The following GABRA5 variants were observed in gnomAD, a reference collection of about 807,000 sequenced individuals.
GABRA5 encodes gamma-aminobutyric acid type A receptor subunit alpha5.
GABRA5 carries 18 observed loss-of-function variants against 47.3 expected under a neutral mutation model. That is an observed-to-expected ratio of 0.38 (90% CI 0.26 to 0.56). The LOEUF is 0.56. GABRA5 is among the 20% of genes least tolerant of loss of function. GABRA5 has a pLI of 0.71. For synonymous variants in GABRA5, 237 were observed against 229.3 expected, an observed-to-expected ratio of 1.03 and a Z score of -0.30; for missense variants, 365 against 599.3, an observed-to-expected ratio of 0.61 and a Z score of 4.08.
In GABRA5 at chr15:26,945,041, T is replaced by G. The variant is rs143572987; in HGVS notation, c.1089+1615T>G. ...TAGATCTGAATTCTGAATGGAGGGT[T>G]GGAGGGAGGAGAGAGGATGAAAGTG... is the stretch of plus-strand genomic sequence containing the variant. On this transcript the variant is annotated intron_variant, in intron 10 of 10. Coordinates refer to ENST00000335625, the MANE Select transcript of GABRA5 (RefSeq NM_000810.4). Among the ~76,000 whole-genome samples the G allele has an allele frequency of 2.5e-3, 380 of 152,282 alleles. 2 individuals are homozygous for G. Among genetic ancestry groups the G allele is most frequent in the Non-Finnish European group, 3.1e-3 (212 of 68,006 alleles).
intron 4 of GABRA5, among the ~76,000 whole-genome samples, chr15:26,882,565 A>G (rs1481778084): frequency 6.6e-6 from 1 of 152,058 alleles, no homozygotes; most frequent in Non-Finnish European, 1.5e-5. Flanking sequence ...CACTTTACCT[A>G]TTTCCAATAA....
Position 26,883,504 on chromosome 15 carries a change from G to A in GABRA5, c.444G>A (p.Thr148=). 1 of 1,585,112 alleles carries A rather than the reference G, an allele frequency of 6.3e-7. No individual in the cohort carries two copies. Among genetic ancestry groups the A allele is most frequent in the East Asian group, 2.4e-5 (1 of 41,694 alleles). Reference sequence around the variant, plus strand: ...AGTCCATCGCTCACAACATGACCACGCCCAACAAGCTGCTGCGGCTGGAGG... The same window carrying A: ...AGTCCATCGCTCACAACATGACCACACCCAACAAGCTGCTGCGGCTGGAGG... ...GKKSIAHNMT[T]PNKLLRLEDD... Residue 148 remains threonine (T), a synonymous_variant, in exon 6 of 11, where the codon ACG becomes ACA. Coordinates refer to ENST00000335625, the MANE Select transcript of GABRA5 (RefSeq NM_000810.4). The surrounding 1 kb of genome is among the most constrained non-coding windows in gnomAD (Gnocchi z 4.8).
At position 26,928,536 on chromosome 15, in the gene GABRA5, C is replaced by T. The variant is rs139377082; in HGVS notation, c.581-8649C>T. Reference sequence around the variant, plus strand: ...AGTGTATTAAGAAGTGGGGCCCTTACGAGGTGATTAGGACGTGAGGGTGGG... The same window carrying T: ...AGTGTATTAAGAAGTGGGGCCCTTATGAGGTGATTAGGACGTGAGGGTGGG... On this transcript the variant is annotated intron_variant, in intron 7 of 10. Coordinates refer to ENST00000335625, the MANE Select transcript of GABRA5 (RefSeq NM_000810.4). Among the ~76,000 whole-genome samples, 1,406 of 152,154 alleles carry T rather than the reference C, an allele frequency of 9.2e-3. 95 individuals carry two copies. The East Asian group carries it at 0.17, about 18-fold the overall frequency.
At chr15:26,900,427 G>A (rs140534662) in intron 6 of GABRA5, among the ~76,000 whole-genome samples, 1,521 of 152,070 alleles carry the variant, frequency 0.01, 34 homozygotes, top group African/African-American at 0.035. Flanking sequence ...ATATGGTTTT[G>A]AGTTATCCTC....
At chr15:26,889,563 A>C (rs182139028) in intron 6 of GABRA5, among the ~76,000 whole-genome samples, 1 of 152,322 alleles carries the variant, frequency 6.6e-6, no homozygotes, top group Admixed American at 6.5e-5. Context: ...ATTAATAGGT[A>C]ACTTGGATAC....
chr15:26,948,073 A>G lies in GABRA5; in HGVS notation c.1229A>G (p.Glu410Gly). 6.2e-7 allele frequency: 1 copy of G among 1,610,994 alleles called. No individual in the cohort carries two copies. Among genetic ancestry groups the G allele is most frequent in the African/African-American group, 1.3e-5 (1 of 75,024 alleles). Reference protein sequence around the residue: ...TTSVSVKPSEEKTSESKKTYN... With the variant: ...TTSVSVKPSEGKTSESKKTYN... ...TCAGTCTCAGTAAAACCCTCTGAAG[A>G]GAAGACTTCTGAAAGCAAAAAGACT... Residue 410 changes from glutamate to glycine, a missense_variant, in exon 11 of 11, where the codon GAG becomes GGG. Coordinates refer to ENST00000335625, the MANE Select transcript of GABRA5 (RefSeq NM_000810.4).
rs1555392975 is a variant in GABRA5 at position 26,930,016 on chromosome 15, T to TTGTTTTTTG, written c.581-7168_581-7167insGTTTTTTGT. The stretch of plus-strand genomic sequence containing the variant: ...CTTCTTCTTCTTCTTCTTTTTTTTT[T>TTGTTTTTTG]TTTTTTGTTTTTTGTTTTTTGAGAT... On this transcript the variant is annotated intron_variant, in intron 7 of 10. Coordinates refer to ENST00000335625, the MANE Select transcript of GABRA5 (RefSeq NM_000810.4). Among the ~76,000 whole-genome samples the TTGTTTTTTG allele has an allele frequency of 9.9e-4, 127 of 128,472 alleles. 1 individual carries two copies. The highest frequency in any genetic ancestry group is 3.3e-3 in the African/African-American group (114 of 34,526). The allele number at this position is 128,472 out of a possible 152,430, so 84.3% of individuals were successfully genotyped here.
chr15:26,881,511 A>C (rs928669847), intron 4 of GABRA5, among the ~76,000 whole-genome samples: 1 of 152,156 alleles, frequency 6.6e-6, no homozygotes, highest in Non-Finnish European at 1.5e-5. Flanking sequence ...GAACTGATGT[A>C]GATTGTTCTT....
chr15:26,893,101 CAT>C (rs1261080988), intron 6 of GABRA5, among the ~76,000 whole-genome samples: 1 of 135,510 alleles, frequency 7.4e-6, no homozygotes, highest in Non-Finnish European at 1.6e-5. Flanking sequence ...TGGTGTGTGG[CAT>C]GTGTGTGTCT....
rs571113310 is a variant in GABRA5, at chr15:26,916,835, A to G, written c.580+1950A>G. On this transcript the variant is annotated intron_variant, in intron 7 of 10. Transcript: ENST00000335625. ...GTATTTTGTTCTTTTTGATGCTATA[A>G]TAAGTGGGATTGTTTTTCTAATTTC... Among the ~76,000 whole-genome samples the G allele has an allele frequency of 9.9e-5, 15 of 152,168 alleles. No individual in the cohort carries two copies. In the South Asian group the frequency reaches 3.1e-3, roughly 32 times the overall value.
chr15:26,937,818 A>C (rs977991570), intron 8 of GABRA5, among the ~76,000 whole-genome samples: 2 of 152,196 alleles, frequency 1.3e-5, no homozygotes, highest in Non-Finnish European at 1.5e-5. Context: ...ATATAGCCCC[A>C]TCCCAGCCTG....
At chr15:26,873,846 C>T (rs1321588494) in intron 3 of GABRA5, among the ~76,000 whole-genome samples, 3 of 152,144 alleles carry the variant, frequency 2.0e-5, no homozygotes, top group Non-Finnish European at 2.9e-5. Flanking sequence ...AAGGCTTCAG[C>T]GACCCTGGGA....
In GABRA5 at chr15:26,935,268, G is replaced by T. The variant is rs79221207; in HGVS notation, c.581-1917G>T. On this transcript the variant is annotated intron_variant, in intron 7 of 10. Coordinates refer to ENST00000335625, the MANE Select transcript of GABRA5 (RefSeq NM_000810.4). Reference sequence around the variant, plus strand: ...CTATTAACATCGTCAATATCAAGAGGTCATTTAATATTCACTAGTAGTTTG... The same window carrying T: ...CTATTAACATCGTCAATATCAAGAGTTCATTTAATATTCACTAGTAGTTTG... 0.01 allele frequency among the ~76,000 whole-genome samples: 1,546 copies of T among 152,292 alleles called. 109 individuals are homozygous for T. The East Asian group carries it at 0.18, about 18-fold the overall frequency.
intron 6 of GABRA5, among the ~76,000 whole-genome samples, chr15:26,914,314 C>T (rs1397554788): frequency 6.6e-6 from 1 of 152,130 alleles, no homozygotes; most frequent in African/African-American, 2.4e-5. Context: ...AAATGTACCA[C>T]GTGAAGTTAT....
chr15:26,904,347 G>C lies in GABRA5; in HGVS notation c.498-10456G>C, dbSNP rs537169575. The stretch of plus-strand genomic sequence containing the variant: ...GCAGCTATTTTTGTACCAGTACCAT[G>C]CTGTTTTGGTTACTGTACATCTGTA... On this transcript the variant is annotated intron_variant, in intron 6 of 10. Transcript: ENST00000335625. Among the ~76,000 whole-genome samples, 7 of 152,238 alleles carry C rather than the reference G, an allele frequency of 4.6e-5. No homozygotes were observed. The East Asian group carries it at 1.4e-3, about 29-fold the overall frequency.
At chr15:26,906,240 A>G (rs1208964524) in intron 6 of GABRA5, among the ~76,000 whole-genome samples, 1 of 152,128 alleles carries the variant, frequency 6.6e-6, no homozygotes, top group Non-Finnish European at 1.5e-5. Context: ...CTCTTTCCTT[A>G]GTTCATTGGT....
intron 6 of GABRA5, among the ~76,000 whole-genome samples, chr15:26,892,355 C>T (rs1566869779): frequency 6.6e-6 from 1 of 152,120 alleles, no homozygotes; most frequent in East Asian, 2.0e-4. Context: ...CACCCAGCCC[C>T]GGGGAAATGC....
At chr15:26,942,208 C>T (rs982024515) in intron 9 of GABRA5, among the ~76,000 whole-genome samples, 1 of 152,218 alleles carries the variant, frequency 6.6e-6, no homozygotes, top group African/African-American at 2.4e-5. Context: ...GATACTGACA[C>T]CCATCCAGAG....
At chr15:26,896,639 A>G (rs1893199615) in intron 6 of GABRA5, among the ~76,000 whole-genome samples, 1 of 152,156 alleles carries the variant, frequency 6.6e-6, no homozygotes, top group African/African-American at 2.4e-5. Flanking sequence ...ACCCCAAAAT[A>G]GGAGTTGGTA....
Sources: allele counts gnomAD v4.1 joint callset (sites outside exome capture counted in the v4.1 genomes callset), GRCh38; gene constraint gnomAD v4.1.1; non-coding constraint Gnocchi (gnomAD v3.1); transcripts MANE v1.5; gene names NCBI Gene and HGNC (gene_info 2026-07-23, HGNC 2026-07-21).